KLHDC10: variants seen among roughly 807,000 people sequenced by gnomAD.
KLHDC10 encodes kelch domain-containing protein 10.
In KLHDC10, 24 loss-of-function variants were observed where a neutral mutation model predicts 56.1. The ratio of observed to expected loss-of-function variants is 0.43; its 90% confidence interval spans 0.31 to 0.60. The LOEUF (loss-of-function observed/expected upper bound fraction) is 0.60, where lower values mean the gene tolerates loss of function less well. KLHDC10 is among the 20% of genes least tolerant of loss of function. The probability of loss-of-function intolerance (pLI) is 0.11; values close to 1 mark genes in which losing one functional copy is unlikely to be tolerated. For synonymous variants in KLHDC10, 188 were observed against 207.1 expected (o/e 0.91, Z 0.79); for missense variants, 349 against 567.0 (o/e 0.62, Z 3.91).
In KLHDC10 at chr7:130,116,615, C is replaced by T; in HGVS notation, c.424C>T (p.His142Tyr). 3 of 1,614,170 alleles carry T rather than the reference C, an allele frequency of 1.9e-6. No homozygotes were observed. The highest frequency in any genetic ancestry group is 1.7e-6 in the Non-Finnish European group (2 of 1,180,046). ...GTATCATTTTGCTACAGGAGTATGG[C>T]ACCAGATGGGCACAGATGGCTACAT... ...WRYHFATGVW[H>Y]QMGTDGYMPR... Residue 142 changes from histidine (H) to tyrosine (Y), a missense_variant, in exon 3 of 10, where the codon CAC becomes TAC. By Grantham distance (83) the His-to-Tyr change is moderately conservative. Around this residue, in one of 2 missense-constraint regions of KLHDC10, gnomAD observed 245 missense variants for 470.1 expected, o/e 0.52. Transcript: ENST00000335420. This position sits in a 1 kb window ranked among gnomAD's most constrained non-coding sequence, Gnocchi z 4.8.
intron 1 of KLHDC10, among the ~76,000 whole-genome samples, chr7:130,073,824 T>C (rs1006012311): frequency 2.0e-5 from 3 of 152,182 alleles, no homozygotes; most frequent in African/African-American, 7.2e-5. Flanking sequence ...TTCTTCTCCG[T>C]TGCACTTCAG....
At chr7:130,085,590 T>C (rs1795676843) in intron 1 of KLHDC10, among the ~76,000 whole-genome samples, 2 of 151,766 alleles carry the variant, frequency 1.3e-5, no homozygotes, top group Admixed American at 6.6e-5. Context: ...ATCCCAGCAC[T>C]TTGGGAGGCT....
At chr7:130,105,931 C>T (rs1796001377) in intron 2 of KLHDC10, among the ~76,000 whole-genome samples, 1 of 152,138 alleles carries the variant, frequency 6.6e-6, no homozygotes. Flanking sequence ...GGGTGGATCA[C>T]CTGAGTTCAG....
At chr7:130,101,162 A>C (rs530701217) in intron 2 of KLHDC10, among the ~76,000 whole-genome samples, 1 of 152,172 alleles carries the variant, frequency 6.6e-6, no homozygotes, top group Non-Finnish European at 1.5e-5. Flanking sequence ...TGATAATAGT[A>C]TCTACTTCCT....
chr7:130,072,279 AG>A (rs1309595724), intron 1 of KLHDC10, among the ~76,000 whole-genome samples: 5 of 152,198 alleles, frequency 3.3e-5, no homozygotes, highest in African/African-American at 1.2e-4. Context: ...GGCTTCAAGT[AG>A]GCATTCCTAG....
In KLHDC10 at chr7:130,133,950, G is replaced by A. The variant is rs993651852; in HGVS notation, c.*3204G>A. The A allele has an allele frequency of 1.3e-5, 2 of 152,152 alleles. No homozygotes were observed. Among genetic ancestry groups the A allele is most frequent in the African/African-American group, 4.8e-5 (2 of 41,424 alleles). 9.4% of individuals were successfully genotyped at this position (152,152 alleles called of 1,614,324 possible). On this transcript the variant is annotated 3_prime_UTR_variant, in exon 10 of 10. Transcript: ENST00000335420. ...AATCTCCTTTTTTCAGGGCCATAAT[G>A]ACATGATGTAAAAATTTGCTTTAAA...
chr7:130,127,484 T>A, intron 8 of KLHDC10, 33 bp downstream of exon 8: 1 of 1,447,666 alleles, frequency 6.9e-7, no homozygotes, highest in Non-Finnish European at 9.7e-7. Flanking sequence ...TGCTTCCATT[T>A]CTGTAATTGT....
chr7:130,091,526 C>G (rs1795772732), intron 1 of KLHDC10, among the ~76,000 whole-genome samples: 1 of 151,724 alleles, frequency 6.6e-6, no homozygotes, highest in African/African-American at 2.4e-5. Flanking sequence ...CCAGTGAAGC[C>G]AGCTAGTATT....
intron 1 of KLHDC10, 71 bp from the exon 2 acceptor site, chr7:130,096,850 A>G: frequency 9.5e-7 from 1 of 1,052,170 alleles, no homozygotes; most frequent in South Asian, 1.5e-5. Flanking sequence ...TGTCTTTATA[A>G]CTACAGTAAC....
chr7:130,080,999 CTTTT>C (rs966845024), intron 1 of KLHDC10, among the ~76,000 whole-genome samples: 1 of 131,928 alleles, frequency 7.6e-6, no homozygotes, highest in African/African-American at 2.9e-5. Context: ...TTTCAGTTTT[CTTTT>C]TTTTTTTTTT....
intron 1 of KLHDC10, among the ~76,000 whole-genome samples, chr7:130,080,644 AC>A (rs1481725605): frequency 1.7e-4 from 26 of 151,928 alleles, no homozygotes; most frequent in Non-Finnish European, 3.1e-4. Context: ...CAATCCTCCC[AC>A]CTCGGCCTCC....
At chr7:130,092,959 A>G (rs942311267) in intron 1 of KLHDC10, among the ~76,000 whole-genome samples, 2 of 145,120 alleles carry the variant, frequency 1.4e-5, no homozygotes, top group African/African-American at 2.6e-5. Context: ...GTGATTCCTC[A>G]TAGTATTAGT....
chr7:130,108,058 C>CA (rs980580958), intron 2 of KLHDC10, among the ~76,000 whole-genome samples: 4 of 146,592 alleles, frequency 2.7e-5, no homozygotes, highest in Non-Finnish European at 3.0e-5. Context: ...AAAAAAAAAA[C>CA]AAAAAACAAA....
At chr7:130,107,602 G>C (rs1019861278) in intron 2 of KLHDC10, among the ~76,000 whole-genome samples, 3 of 152,082 alleles carry the variant, frequency 2.0e-5, no homozygotes, top group African/African-American at 7.2e-5. Flanking sequence ...CCAGCGCTTT[G>C]GGAGGCCGAG....
intron 2 of KLHDC10, among the ~76,000 whole-genome samples, chr7:130,109,805 A>G (rs1488196495): frequency 6.6e-6 from 1 of 151,922 alleles, no homozygotes; most frequent in African/African-American, 2.4e-5. Flanking sequence ...CGCGTGGCTA[A>G]TTTTTGTATT....
intron 2 of KLHDC10, among the ~76,000 whole-genome samples, chr7:130,098,634 C>A (rs1345066827): frequency 2.6e-5 from 4 of 151,934 alleles, no homozygotes; most frequent in African/African-American, 4.8e-5. Flanking sequence ...AATGAGAAAT[C>A]TAACTTGTGC....
At chr7:130,100,626 T>G (rs1220103221) in intron 2 of KLHDC10, among the ~76,000 whole-genome samples, 4 of 152,228 alleles carry the variant, frequency 2.6e-5, no homozygotes, top group Admixed American at 6.5e-5. Flanking sequence ...AAAATGCTAT[T>G]GTTTAATGCT....
chr7:130,081,329 T>A (rs1785844630), intron 1 of KLHDC10, among the ~76,000 whole-genome samples: 1 of 148,614 alleles, frequency 6.7e-6, no homozygotes, highest in Admixed American at 6.7e-5. Flanking sequence ...GTTTGTTTTT[T>A]ATTTTTGAGA....
intron 1 of KLHDC10, among the ~76,000 whole-genome samples, chr7:130,075,567 T>C (rs958784438): frequency 3.3e-5 from 5 of 152,148 alleles, no homozygotes; most frequent in African/African-American, 1.2e-4. Flanking sequence ...TTCCTTTGTT[T>C]GGATGGGTAT....
Sources: allele counts gnomAD v4.1 joint callset (sites outside exome capture counted in the v4.1 genomes callset), GRCh38; gene constraint gnomAD v4.1.1; regional missense constraint gnomAD v4.1.1; non-coding constraint Gnocchi (gnomAD v3.1); transcripts MANE v1.5; gene names NCBI Gene and HGNC (gene_info 2026-07-23, HGNC 2026-07-21).